Variants in GPC3 observed in about 807,000 individuals in gnomAD.
GPC3 encodes glypican-3.
Under a neutral mutation model 34.4 loss-of-function variants are expected in GPC3, and 3 were observed. The ratio of observed to expected loss-of-function variants is 0.09; its 90% CI spans 0.04 to 0.23. The LOEUF (loss-of-function observed/expected upper bound fraction) is 0.23. GPC3 is among the 10% of genes least tolerant of loss of function. The pLI, the probability that GPC3 is intolerant of heterozygous loss-of-function variation, is 1.00. For synonymous variants in GPC3, 177 were observed against 174.0 expected, an observed-to-expected ratio of 1.02 and a Z score of -0.13; for missense variants, 351 against 445.6, an observed-to-expected ratio of 0.79 and a Z score of 1.91.
At chrX:133,867,168 A>G (rs1323654007) in intron 2 of GPC3, among the ~76,000 whole-genome samples, 1 of 109,740 alleles carries the variant, frequency 9.1e-6, no homozygotes, top group Non-Finnish European at 1.9e-5. Flanking sequence ...ACTGCACTCC[A>G]GCCTGGGTGA....
intron 5 of GPC3, among the ~76,000 whole-genome samples, chrX:133,679,095 G>A (rs528258773): frequency 2.7e-5 from 3 of 111,978 alleles, no homozygotes; most frequent in African/African-American, 9.7e-5. Context: ...TCAGCACCAC[G>A]GGCTGACTTG....
At chrX:133,760,931 A>T (rs999541135) in intron 2 of GPC3, among the ~76,000 whole-genome samples, 1 of 111,462 alleles carries the variant, frequency 9.0e-6, no homozygotes, top group African/African-American at 3.3e-5. Context: ...CTTTAAATCC[A>T]AAACTGTTCT....
intron 2 of GPC3, among the ~76,000 whole-genome samples, chrX:133,764,639 G>T (rs1315234417): frequency 1.8e-5 from 2 of 111,847 alleles, no homozygotes; most frequent in African/African-American, 6.5e-5. Context: ...AAACAGAACA[G>T]CGTAGGAGAA....
chrX:133,832,151 G>C (rs1040242826), intron 2 of GPC3, among the ~76,000 whole-genome samples: 4 of 109,781 alleles, frequency 3.6e-5, no homozygotes, highest in Non-Finnish European at 7.6e-5. Flanking sequence ...GTAGTGGTAC[G>C]TGCCTATAGT....
chrX:133,683,732 C>T (rs912725722), intron 5 of GPC3, among the ~76,000 whole-genome samples: 2 of 112,240 alleles, frequency 1.8e-5, no homozygotes, highest in African/African-American at 6.5e-5. Context: ...TTAAGCCATC[C>T]GTCAGCAGCA....
chrX:133,594,074 C>A (rs1454855818), intron 7 of GPC3, among the ~76,000 whole-genome samples: 1 of 110,057 alleles, frequency 9.1e-6, no homozygotes, highest in African/African-American at 3.3e-5. Flanking sequence ...CCAGCCTGGG[C>A]AACAAGAGCC....
intron 6 of GPC3, among the ~76,000 whole-genome samples, chrX:133,660,364 C>T (rs2070704892): frequency 8.9e-6 from 1 of 112,480 alleles, no homozygotes; most frequent in Non-Finnish European, 1.9e-5. Context: ...CCACAGTCCT[C>T]CCACCCATGG....
chrX:133,732,267 G>A (rs920488207), intron 3 of GPC3, among the ~76,000 whole-genome samples: 2 of 111,127 alleles, frequency 1.8e-5, no homozygotes, highest in African/African-American at 3.3e-5. Context: ...TCTGACTGGC[G>A]GGCTCATGAA....
In GPC3 at chrX:133,719,628, TA is replaced by T. The variant is rs112439579; in HGVS notation, c.1033-19601del. 2.8e-3 allele frequency among the ~76,000 whole-genome samples: 290 copies of T among 104,669 alleles called. 1 individual carries two copies. The highest frequency in any genetic ancestry group is 7.8e-3 in the African/African-American group (222 of 28,564). The allele number at this position is 104,669 out of a possible 115,157, so 90.9% of individuals were successfully genotyped here. On this transcript the variant is annotated intron_variant, in intron 3 of 7. Transcript: ENST00000370818. Reference sequence around the variant, plus strand: ...ATGTACCCTAAAACTTAAAGTATAATAAAAAAAAATAAAAAATAAAAAAAAG... The same window carrying T: ...ATGTACCCTAAAACTTAAAGTATAATAAAAAAAATAAAAAATAAAAAAAAG...
intron 1 of GPC3, among the ~76,000 whole-genome samples, chrX:133,976,690 G>A (rs2076516991): frequency 9.1e-6 from 1 of 110,442 alleles, no homozygotes; most frequent in Non-Finnish European, 1.9e-5. Context: ...GGCTGAGGCA[G>A]GCGGATCACC....
chrX:133,764,873 C>T (rs2071830919), intron 2 of GPC3, among the ~76,000 whole-genome samples: 1 of 111,543 alleles, frequency 9.0e-6, no homozygotes, highest in African/African-American at 3.3e-5. Context: ...CTCTGTCTCC[C>T]AGGATTTCAT....
At chrX:133,984,279 C>T (rs2076555818) in intron 1 of GPC3, among the ~76,000 whole-genome samples, 1 of 113,537 alleles carries the variant, frequency 8.8e-6, no homozygotes, top group Non-Finnish European at 1.9e-5. Flanking sequence ...CAGTGCACCC[C>T]TGACAAATTA....
At chrX:133,556,213 A>G (rs2069488037) in intron 7 of GPC3, among the ~76,000 whole-genome samples, 1 of 111,624 alleles carries the variant, frequency 9.0e-6, no homozygotes, top group African/African-American at 3.3e-5. Context: ...TAATTTTAAA[A>G]CTACTCAACA....
chrX:133,707,656 A>C (rs2071229985), intron 3 of GPC3, among the ~76,000 whole-genome samples: 1 of 111,463 alleles, frequency 9.0e-6, no homozygotes, highest in Non-Finnish European at 1.9e-5. Context: ...ATAGATGGAA[A>C]GCATAGGCAG....
chrX:133,949,383 G>A (rs1309198457), intron 2 of GPC3, among the ~76,000 whole-genome samples: 1 of 111,517 alleles, frequency 9.0e-6, no homozygotes, highest in Non-Finnish European at 1.9e-5. Context: ...CACATTTAGT[G>A]AGTTCTTGGA....
intron 2 of GPC3, among the ~76,000 whole-genome samples, chrX:133,818,788 T>C (rs1333732013): frequency 1.8e-5 from 2 of 111,086 alleles, no homozygotes; most frequent in Admixed American, 9.5e-5. Flanking sequence ...CCTGTGGGAA[T>C]CTGAGAAGAT....
At chrX:133,978,309 TTACA>T (rs1187867537) in intron 1 of GPC3, among the ~76,000 whole-genome samples, 12 of 112,223 alleles carry the variant, frequency 1.1e-4, no homozygotes, top group African/African-American at 3.6e-4. Context: ...GAGGAAAAAC[TTACA>T]TACATTCAGT....
chrX:133,858,396 T>C (rs985028761), intron 2 of GPC3, among the ~76,000 whole-genome samples: 1 of 112,131 alleles, frequency 8.9e-6, no homozygotes, highest in East Asian at 2.8e-4. Context: ...AAACAGCTTG[T>C]CTAGCAGTAT....
intron 6 of GPC3, among the ~76,000 whole-genome samples, chrX:133,619,963 G>A (rs1033964537): frequency 1.8e-5 from 2 of 110,547 alleles, no homozygotes; most frequent in African/African-American, 6.6e-5. Flanking sequence ...GCTCATGCCT[G>A]TAATCCCAGC....
Sources: allele counts gnomAD v4.1 joint callset (sites outside exome capture counted in the v4.1 genomes callset), GRCh38; gene constraint gnomAD v4.1.1; transcripts MANE v1.5; gene names NCBI Gene and HGNC (gene_info 2026-07-23, HGNC 2026-07-21).